THOP1: variants seen among roughly 807,000 people sequenced by gnomAD.
The protein encoded by THOP1 is thimet oligopeptidase.
A neutral mutation model predicts 71.8 loss-of-function variants in THOP1; 49 were observed. The observed-to-expected ratio is 0.68, with a 90% confidence interval of 0.54 to 0.87. The LOEUF (loss-of-function observed/expected upper bound fraction) is 0.87, where lower values mean the gene tolerates loss of function less well. Ranked by LOEUF, THOP1 falls within the 40% of genes least tolerant of loss-of-function variation. The probability of loss-of-function intolerance (pLI) is 0.00; values close to 1 mark genes in which losing one functional copy is unlikely to be tolerated. For synonymous variants in THOP1, 426 were observed against 421.5 expected, an observed-to-expected ratio of 1.01 and a Z score of -0.13; for missense variants, 843 against 975.6, an observed-to-expected ratio of 0.86 and a Z score of 1.81.
intron 2 of THOP1, among the ~76,000 whole-genome samples, chr19:2,792,680 A>G (rs1312052074): frequency 6.8e-6 from 1 of 147,874 alleles, no homozygotes; most frequent in Non-Finnish European, 1.5e-5. Flanking sequence ...TTTTAGAATG[A>G]GTCTCGCTCT....
chr19:2,815,353 C>G lies in THOP1; in HGVS notation c.*2077C>G, dbSNP rs1916577722. 1 of 152,314 alleles carries G rather than the reference C, an allele frequency of 6.6e-6. No homozygotes were observed. The highest frequency in any genetic ancestry group is 6.5e-5 in the Admixed American group (1 of 15,298). 9.4% of individuals were successfully genotyped at this position (152,314 alleles called of 1,614,324 possible). A position where few individuals can be genotyped will look rare whatever the true frequency, so the allele number is the denominator to read the frequency against. On this transcript the variant is annotated 3_prime_UTR_variant, in exon 13 of 13. Transcript: ENST00000307741. ...GGCGGATGGCCTGGACCATCCACAC[C>G]CCACTCCCCTGGAAGTCACCAACTG...
intron 4 of THOP1, among the ~76,000 whole-genome samples, chr19:2,798,929 A>C (rs1397464603): frequency 6.6e-6 from 1 of 152,194 alleles, no homozygotes; most frequent in Non-Finnish European, 1.5e-5. Flanking sequence ...CTTCAAGGCC[A>C]CCAGAGGGAC....
chr19:2,793,002 C>A (rs1026856150), intron 2 of THOP1, among the ~76,000 whole-genome samples: 6 of 152,058 alleles, frequency 3.9e-5, no homozygotes, highest in Non-Finnish European at 8.8e-5. Flanking sequence ...ATCCAGAAAC[C>A]CTGTCTCTAC....
At chr19:2,792,484 C>T (rs1396555879) in intron 2 of THOP1, among the ~76,000 whole-genome samples, 1 of 132,324 alleles carries the variant, frequency 7.6e-6, no homozygotes, top group South Asian at 2.7e-4. Flanking sequence ...TCTAAACACA[C>T]GGAGCCTCCT....
In THOP1 at chr19:2,811,642, G is replaced by A. The variant is rs1249034047; in HGVS notation, c.1816G>A (p.Asp606Asn). 10 of 1,613,406 alleles carry A rather than the reference G, an allele frequency of 6.2e-6. No individual in the cohort carries two copies. Among genetic ancestry groups the A allele is most frequent in the Admixed American group, 1.7e-5 (1 of 60,010 alleles). ...ATFGHLAGGY[D>N]AQYYGYLWSE... ...CTTCGGCCATCTGGCAGGTGGCTAC[G>A]ACGCCCAGTACTACGGGTACCTGTG... The change falls in exon 12 of 13, where the codon GAC becomes AAC. Residue 606 changes from aspartate to asparagine, a missense_variant. Transcript: ENST00000307741.
intron 12 of THOP1, among the ~76,000 whole-genome samples, chr19:2,812,563 C>T (rs898213566): frequency 4.6e-5 from 7 of 152,148 alleles, no homozygotes; most frequent in East Asian, 3.9e-4. Flanking sequence ...GAGGACCGGC[C>T]GGGGGCTGTA....
Position 2,814,425 on chromosome 19 carries a change from C to T in THOP1, c.*1149C>T, listed in dbSNP as rs1331271700. The stretch of plus-strand genomic sequence containing the variant: ...CACGAAGGACGCTGGTCAGCAGAAC[C>T]TGTGACCCTGCTTCCCGAGGCCTAT... On this transcript the variant is annotated 3_prime_UTR_variant, in exon 13 of 13. Coordinates refer to ENST00000307741, the MANE Select transcript of THOP1 (RefSeq NM_003249.5). The T allele has an allele frequency of 6.6e-6, 1 of 152,318 alleles. No individual in the cohort carries two copies. Among genetic ancestry groups the T allele is most frequent in the African/African-American group, 2.4e-5 (1 of 41,462 alleles). 9.4% of individuals were successfully genotyped at this position (152,318 alleles called of 1,614,324 possible).
In THOP1 at chr19:2,804,400, C is replaced by G. The variant is rs1480886649; in HGVS notation, c.590-616C>G. Among the ~76,000 whole-genome samples, 1 of 152,140 alleles carries G rather than the reference C, an allele frequency of 6.6e-6. No individual in the cohort carries two copies. The highest frequency in any genetic ancestry group is 1.5e-5 in the Non-Finnish European group (1 of 68,026). On this transcript the variant is annotated intron_variant, in intron 5 of 12. Coordinates refer to ENST00000307741, the MANE Select transcript of THOP1 (RefSeq NM_003249.5). This position sits in a 1 kb window ranked among gnomAD's most constrained non-coding sequence, Gnocchi z 4.7. ...AATTGGGTCTCTCTGGAGGGACACA[C>G]TTGAAAGTGGTTGAGCCGTGGGGCT...
chr19:2,811,058 T>C (rs74906691), intron 11 of THOP1, among the ~76,000 whole-genome samples: 2,278 of 152,292 alleles, frequency 0.015, 49 homozygotes, highest in African/African-American at 0.052. Flanking sequence ...GACACATGCT[T>C]TGTAAAAAGC....
chr19:2,791,405 G>GC (rs1462085367), intron 2 of THOP1, among the ~76,000 whole-genome samples: 4 of 115,490 alleles, frequency 3.5e-5, no homozygotes, highest in African/African-American at 2.0e-4. Context: ...CTTCTCTCGT[G>GC]TTCCAAGGCA....
In THOP1 at chr19:2,809,940, A is replaced by T. The variant is rs181897430; in HGVS notation, c.1456-364A>T. 233 of 304,460 alleles carry T rather than the reference A, an allele frequency of 7.7e-4. 1 individual carries two copies. Among genetic ancestry groups the T allele is most frequent in the African/African-American group, 4.5e-3 (207 of 45,930 alleles). The allele number at this position is 304,460 out of a possible 1,614,324, so 18.9% of individuals were successfully genotyped here. A position where few individuals can be genotyped will look rare whatever the true frequency, so the allele number is the denominator to read the frequency against. On this transcript the variant is annotated intron_variant, in intron 9 of 12. Coordinates refer to ENST00000307741, the MANE Select transcript of THOP1 (RefSeq NM_003249.5). ...GGGAAGGTTCCACACACACACGAGC[A>T]GGGAGATGCAGCATGCCTCACAGCG...
Position 2,811,624 on chromosome 19 carries a change from C to T in THOP1, c.1798C>T (p.His600Tyr), listed in dbSNP as rs755775916. The T allele has an allele frequency of 1.2e-6, 2 of 1,613,302 alleles. No homozygotes were observed. Among genetic ancestry groups the T allele is most frequent in the Non-Finnish European group, 8.5e-7 (1 of 1,179,870 alleles). ...AACCAACATGCCTGCAACCTTCGGC[C>T]ATCTGGCAGGTGGCTACGACGCCCA... ...PGTNMPATFG[H>Y]LAGGYDAQYY... Residue 600 changes from histidine (H) to tyrosine (Y), a missense_variant, in exon 12 of 13, where the codon CAT becomes TAT. His to Tyr is a moderately conservative substitution (Grantham distance 83). Coordinates refer to ENST00000307741, the MANE Select transcript of THOP1 (RefSeq NM_003249.5).
In THOP1 at chr19:2,793,939, C is replaced by T. The variant is rs534987211; in HGVS notation, c.230-825C>T. On this transcript the variant is annotated intron_variant, in intron 2 of 12. Transcript: ENST00000307741. ...GCAGATTCCTGTGTGGATGTGTGTT[C>T]ATGTCTCCTGGCTGGATCCTGGCAC... 1.3e-3 allele frequency among the ~76,000 whole-genome samples: 192 copies of T among 151,688 alleles called. 6 individuals carry two copies. In the South Asian group the frequency reaches 0.039, roughly 31 times the overall value.
At chr19:2,809,443 A>G (rs1261645224) in intron 9 of THOP1, 1 of 152,286 alleles carries the variant, frequency 6.6e-6, no homozygotes, top group Non-Finnish European at 1.5e-5. Flanking sequence ...ACGCTTGCTC[A>G]TAAAATGAGC....
At chr19:2,799,875 C>T (rs1050305218) in intron 5 of THOP1, 84 bp downstream of exon 5, 3 of 1,263,900 alleles carry the variant, frequency 2.4e-6, no homozygotes, top group Non-Finnish European at 3.4e-6. Flanking sequence ...GCCGCCGCTT[C>T]CTCCTGTGGG....
chr19:2,806,576 A>G (rs2537855), intron 6 of THOP1: 99,854 of 340,746 alleles, frequency 0.29, 15,592 homozygotes, highest in East Asian at 0.49. Context: ...GGCGATAGGC[A>G]GAGCCCGTGA....
chr19:2,807,945 C>T (rs1045549102), intron 8 of THOP1, 137 bp downstream of exon 8: 23 of 1,071,884 alleles, frequency 2.1e-5, no homozygotes, highest in Middle Eastern at 3.1e-4. Context: ...ACGTAGCACC[C>T]GTGGGCACAC....
chr19:2,785,785 T>A (rs1019313488), intron 1 of THOP1, 107 bp downstream of exon 1: 1 of 1,139,406 alleles, frequency 8.8e-7, no homozygotes, highest in African/African-American at 1.6e-5. Context: ...CGAGCCACCC[T>A]CGGCCGGGCT....
At chr19:2,785,807 G>A (rs1228320110) in intron 1 of THOP1, 129 bp downstream of exon 1, 10 of 859,596 alleles carry the variant, frequency 1.2e-5, no homozygotes, top group South Asian at 4.1e-5. Context: ...GAGGGGCAGC[G>A]GGGGAGGTGG....
Sources: gnomAD v4.1 joint callset for allele counts (sites outside exome capture counted in the v4.1 genomes callset) on GRCh38, gnomAD v4.1.1 for gene constraint, Gnocchi (gnomAD v3.1) non-coding constraint, MANE v1.5 for transcripts, NCBI Gene and HGNC (gene_info 2026-07-23, HGNC 2026-07-21) for gene names.